The following ZNF638 variants were observed in gnomAD, a reference collection of about 807,000 sequenced individuals.
ZNF638 encodes the protein zinc finger protein 638.
In ZNF638, 46 loss-of-function variants were observed where a neutral mutation model predicts 195.6. That is an observed-to-expected ratio of 0.24 (90% CI 0.19 to 0.30). The LOEUF (loss-of-function observed/expected upper bound fraction) is 0.30, where lower values mean the gene tolerates loss of function less well. Among genes scored for constraint, ZNF638 ranks in the 10% least tolerant of loss-of-function variants. The probability of loss-of-function intolerance (pLI) is 1.00; values close to 1 mark genes in which losing one functional copy is unlikely to be tolerated. For missense variants in ZNF638, 2,440 were observed against 2,325.3 expected (o/e 1.05, Z -1.01); for synonymous variants, 845 against 772.0 (o/e 1.09, Z -1.57).
At chr2:71,398,673 A>T in intron 11 of ZNF638, 28 bp from the exon 12 acceptor site, 1 of 1,596,836 alleles carries the variant, frequency 6.3e-7, no homozygotes, top group Non-Finnish European at 8.6e-7. Context: ...TAAGTAAACC[A>T]GTTTTGACTG....
chr2:71,405,579 T>A, intron 17 of ZNF638, 22 bp from the exon 18 acceptor site: 1 of 1,499,010 alleles, frequency 6.7e-7, no homozygotes, highest in Non-Finnish European at 9.1e-7. Flanking sequence ...ACCATCAACC[T>A]TTATCTATTT....
intron 26 of ZNF638, 95 bp from the exon 27 acceptor site, chr2:71,433,070 G>C: frequency 1.0e-6 from 1 of 993,960 alleles, no homozygotes; most frequent in South Asian, 1.4e-5. Context: ...CTGGATGACA[G>C]AGTGAGACTC....
chr2:71,387,298 G>T (rs2079661101), intron 10 of ZNF638, among the ~76,000 whole-genome samples: 1 of 152,108 alleles, frequency 6.6e-6, no homozygotes, highest in Non-Finnish European at 1.5e-5. Flanking sequence ...CAGTAAATTT[G>T]TATGATAATA....
rs535302623 is a variant in ZNF638 at position 71,360,015 on chromosome 2, T to C, written c.1380-3138T>C. Among the ~76,000 whole-genome samples, 12 of 152,312 alleles carry C rather than the reference T, an allele frequency of 7.9e-5. 1 individual carries two copies. In the South Asian group the frequency reaches 2.5e-3, roughly 32 times the overall value. ...TCAAAACCATCTACGAGGTGTTAAGTATAAGGATTATTCCAGACTTTATCA... is the reference window on the plus strand; with the variant it reads ...TCAAAACCATCTACGAGGTGTTAAGCATAAGGATTATTCCAGACTTTATCA... On this transcript the variant is annotated intron_variant, in intron 3 of 27. Coordinates refer to ENST00000264447, the MANE Select transcript of ZNF638 (RefSeq NM_014497.5).
chr2:71,430,355 T>C (rs1399096489), intron 25 of ZNF638, among the ~76,000 whole-genome samples: 2 of 152,164 alleles, frequency 1.3e-5, no homozygotes, highest in Non-Finnish European at 2.9e-5. Flanking sequence ...GTTTTAACCA[T>C]CAAGTTAAGA....
intron 16 of ZNF638, 65 bp from the exon 17 acceptor site, chr2:71,403,805 C>T (rs1013985471): frequency 8.3e-7 from 1 of 1,201,330 alleles, no homozygotes; most frequent in Non-Finnish European, 1.2e-6. Flanking sequence ...TTTATACTTG[C>T]AAGTCTGTTT....
chr2:71,331,977 T>G (rs2287326), intron 1 of ZNF638, 102 bp downstream of exon 1: 524,276 of 965,234 alleles, frequency 0.54, 148,013 homozygotes, highest in Admixed American at 0.59. Flanking sequence ...CTATTGTATC[T>G]GTGTCGCAGC....
intron 16 of ZNF638, among the ~76,000 whole-genome samples, chr2:71,403,387 G>A (rs989182026): frequency 1.3e-5 from 2 of 152,214 alleles, no homozygotes; most frequent in African/African-American, 4.8e-5. Context: ...AAAGCAAAAT[G>A]TATGGAGCTA....
At chr2:71,378,074 A>G (rs547321063) in intron 8 of ZNF638, among the ~76,000 whole-genome samples, 2 of 152,348 alleles carry the variant, frequency 1.3e-5, no homozygotes, top group South Asian at 4.1e-4. Flanking sequence ...ATCTTAAGAA[A>G]TGGAGAAGTT....
Position 71,426,865 on chromosome 2 carries a change from C to T in ZNF638, c.4996C>T (p.Leu1666=). 6.2e-7 allele frequency: 1 copy of T among 1,614,140 alleles called. No individual in the cohort carries two copies. Among genetic ancestry groups the T allele is most frequent in the Non-Finnish European group, 8.5e-7 (1 of 1,179,986 alleles). ...SHSEPKDVTV[L]SVAEEQDLLK... is the part of the protein sequence containing the mutation. The stretch of plus-strand genomic sequence containing the variant: ...CAGTGAACCTAAAGATGTTACTGTT[C>T]TGTCAGTGGCTGAAGAACAAGATCT... The change falls in exon 24 of 28, where the codon CTG becomes TTG. Residue 1666 remains leucine (L), a synonymous_variant. Transcript: ENST00000264447.
intron 19 of ZNF638, 103 bp from the exon 20 acceptor site, chr2:71,408,019 T>C: frequency 9.6e-7 from 1 of 1,036,978 alleles, no homozygotes; most frequent in Non-Finnish European, 1.4e-6. Flanking sequence ...CGGCTTTCAT[T>C]CCTTTTAGGT....
At position 71,336,883 on chromosome 2, in the gene ZNF638, A is replaced by C. The variant is rs367841889; in HGVS notation, c.-203+5008A>C. ...CTCTAAAGCTGAATTAGTAGTGCTA[A>C]ATTTTACTTAAGGAGTTAACTAATT... On this transcript the variant is annotated intron_variant, in intron 1 of 27. Transcript: ENST00000264447. Among the ~76,000 whole-genome samples the C allele has an allele frequency of 2.1e-4, 32 of 152,326 alleles. 1 individual carries two copies. Among genetic ancestry groups the C allele is most frequent in the African/African-American group, 7.7e-4 (32 of 41,574 alleles).
At chr2:71,418,494 T>C (rs529475695) in intron 20 of ZNF638, 108 bp from the exon 21 acceptor site, 1 of 740,828 alleles carries the variant, frequency 1.3e-6, no homozygotes, top group Non-Finnish European at 2.0e-6. Flanking sequence ...GATACATTTT[T>C]AAGGTTTTTT....
At position 71,417,699 on chromosome 2, in the gene ZNF638, T is replaced by C. The variant is rs1296984045; in HGVS notation, c.3262-903T>C. ...CTCTCTAATAAACTTTTCTCCTTAA[T>C]GGAAAGCTGCTAGTAAACACTCTCT... is the stretch of plus-strand genomic sequence containing the variant. On this transcript the variant is annotated intron_variant, in intron 20 of 27. Transcript: ENST00000264447. 3.3e-5 allele frequency among the ~76,000 whole-genome samples: 5 copies of C among 151,982 alleles called. No homozygotes were observed. The South Asian group carries it at 6.2e-4, about 19-fold the overall frequency.
intron 20 of ZNF638, among the ~76,000 whole-genome samples, chr2:71,410,065 T>C (rs1377366860): frequency 2.6e-5 from 4 of 152,236 alleles, no homozygotes. Context: ...CCTTTGATTG[T>C]TTTTAGCATC....
At chr2:71,422,231 A>C (rs924031178) in intron 21 of ZNF638, among the ~76,000 whole-genome samples, 1 of 152,130 alleles carries the variant, frequency 6.6e-6, no homozygotes, top group African/African-American at 2.4e-5. Flanking sequence ...AATACTTTCC[A>C]AATAATGTTC....
chr2:71,385,622 A>T (rs2079621676), intron 10 of ZNF638, among the ~76,000 whole-genome samples: 1 of 152,198 alleles, frequency 6.6e-6, no homozygotes, highest in South Asian at 2.1e-4. Flanking sequence ...TTCAGAGCTA[A>T]GTACACATTA....
chr2:71,391,609 A>T (rs936056772), intron 10 of ZNF638, among the ~76,000 whole-genome samples: 4 of 152,206 alleles, frequency 2.6e-5, no homozygotes, highest in African/African-American at 9.6e-5. Context: ...CTCACCTTGG[A>T]AATATCTTAG....
chr2:71,388,039 C>A (rs2079680111), intron 10 of ZNF638, among the ~76,000 whole-genome samples: 1 of 152,038 alleles, frequency 6.6e-6, no homozygotes, highest in South Asian at 2.1e-4. Context: ...AAAAAAAATC[C>A]TACCAGTTTC....
Sources: gnomAD v4.1 joint callset for allele counts (sites outside exome capture counted in the v4.1 genomes callset) on GRCh38, gnomAD v4.1.1 for gene constraint, MANE v1.5 for transcripts, NCBI Gene and HGNC (gene_info 2026-07-23, HGNC 2026-07-21) for gene names.